The following VAV3 variants were observed in gnomAD, a reference collection of about 807,000 sequenced individuals.
VAV3 encodes guanine nucleotide exchange factor VAV3.
A neutral mutation model predicts 131.2 loss-of-function variants in VAV3; 94 were observed. The ratio of observed to expected loss-of-function variants is 0.72; its 90% CI spans 0.61 to 0.85. The LOEUF (loss-of-function observed/expected upper bound fraction) is 0.85. VAV3 is among the 40% of genes least tolerant of loss of function. The probability of loss-of-function intolerance (pLI) is 0.00; values close to 1 mark genes in which losing one functional copy is unlikely to be tolerated. For missense variants in VAV3, 939 were observed against 1,002.7 expected (o/e 0.94, Z 0.86); for synonymous variants, 349 against 342.0 (o/e 1.02, Z -0.22).
chr1:107,812,438 AT>A lies in VAV3; in HGVS notation c.322-32947del, dbSNP rs146619928. On this transcript the variant is annotated intron_variant, in intron 2 of 26. Coordinates refer to ENST00000370056, the MANE Select transcript of VAV3 (RefSeq NM_006113.5). ...GATAACTGCAGTTTTATTTATTATC[AT>A]TTTTTAAGCTGATTTCCAAAGAATA... Among the ~76,000 whole-genome samples, 20 of 152,182 alleles carry A rather than the reference AT, an allele frequency of 1.3e-4. No homozygotes were observed. The East Asian group carries it at 3.9e-3, about 29-fold the overall frequency.
At chr1:107,609,550 T>TAAAAA (rs5776892) in intron 22 of VAV3, 10 of 152,360 alleles carry the variant, frequency 6.6e-5, no homozygotes, top group South Asian at 2.1e-4. Flanking sequence ...CTATAAAAAA[T>TAAAAA]AAAAAAAAAA....
At chr1:107,609,066 A>T (rs1012603354) in intron 22 of VAV3, among the ~76,000 whole-genome samples, 8 of 152,032 alleles carry the variant, frequency 5.3e-5, no homozygotes, top group African/African-American at 1.4e-4. Flanking sequence ...CACTAGTTGC[A>T]TGCTCTGTTT....
chr1:107,863,246 A>T (rs1161202962), intron 2 of VAV3, among the ~76,000 whole-genome samples: 2 of 152,052 alleles, frequency 1.3e-5, no homozygotes, highest in East Asian at 3.9e-4. Flanking sequence ...ATTCTTAAAC[A>T]TCCCAAATCT....
At chr1:107,653,495 T>G (rs1656321946) in intron 19 of VAV3, among the ~76,000 whole-genome samples, 1 of 152,052 alleles carries the variant, frequency 6.6e-6, no homozygotes, top group Admixed American at 6.6e-5. Context: ...ACTTTCAAAC[T>G]CTGAGGATCC....
chr1:107,683,083 T>C (rs1043372022), intron 19 of VAV3, among the ~76,000 whole-genome samples: 2 of 152,220 alleles, frequency 1.3e-5, no homozygotes, highest in African/African-American at 4.8e-5. Flanking sequence ...AAATTTTCTC[T>C]GATGGAGGGT....
chr1:107,725,728 C>T (rs1206462481), intron 15 of VAV3, among the ~76,000 whole-genome samples: 1 of 152,006 alleles, frequency 6.6e-6, no homozygotes, highest in Non-Finnish European at 1.5e-5. Flanking sequence ...GGCCAGGCTA[C>T]TCTCAAACTC....
chr1:107,880,117 T>C (rs1247108135), intron 1 of VAV3, among the ~76,000 whole-genome samples: 1 of 152,170 alleles, frequency 6.6e-6, no homozygotes, highest in Non-Finnish European at 1.5e-5. Flanking sequence ...GAGTCCACGG[T>C]TGCACAATAG....
At chr1:107,666,172 C>A (rs956932414) in intron 19 of VAV3, among the ~76,000 whole-genome samples, 2 of 152,080 alleles carry the variant, frequency 1.3e-5, no homozygotes, top group Non-Finnish European at 2.9e-5. Flanking sequence ...AAGATGTGAA[C>A]AGGTATTTGA....
chr1:107,576,354 G>A (rs1258790460), intron 25 of VAV3: 2 of 1,454,694 alleles, frequency 1.4e-6, no homozygotes, highest in Admixed American at 2.8e-5. Flanking sequence ...GCAAGCAGAA[G>A]CAAGTTGAAG....
intron 2 of VAV3, among the ~76,000 whole-genome samples, chr1:107,833,921 A>G (rs1319043260): frequency 6.6e-6 from 1 of 152,216 alleles, no homozygotes; most frequent in Non-Finnish European, 1.5e-5. Flanking sequence ...CTCGCATGCA[A>G]TTTTGTTCAC....
chr1:107,851,222 A>T (rs1047792290), intron 2 of VAV3, among the ~76,000 whole-genome samples: 2 of 151,336 alleles, frequency 1.3e-5, no homozygotes, highest in Non-Finnish European at 2.9e-5. Context: ...AGCTAGAGGA[A>T]GGGGACTCAT....
chr1:107,889,132 A>AGAGTGT (rs1553226404), intron 1 of VAV3, among the ~76,000 whole-genome samples: 23 of 142,038 alleles, frequency 1.6e-4, no homozygotes, highest in African/African-American at 4.8e-4. Flanking sequence ...TCCTGTGTAG[A>AGAGTGT]GTGTGTGTGT....
intron 1 of VAV3, among the ~76,000 whole-genome samples, chr1:107,909,346 A>T (rs977068275): frequency 6.8e-6 from 1 of 147,552 alleles, no homozygotes; most frequent in Non-Finnish European, 1.5e-5. Flanking sequence ...TAAGTAAAAA[A>T]ATGTTATATG....
chr1:107,831,780 T>A (rs530842508), intron 2 of VAV3, among the ~76,000 whole-genome samples: 3 of 152,244 alleles, frequency 2.0e-5, no homozygotes, highest in Admixed American at 2.0e-4. Flanking sequence ...AGACTCAATA[T>A]ACACTTAATA....
In VAV3 at chr1:107,648,635, G is replaced by T. The variant is rs185306258; in HGVS notation, c.1778-5880C>A. On this transcript the variant is annotated intron_variant, in intron 19 of 26. Transcript: ENST00000370056. ...ATCATCTTCTTTAAAGATAGAAAAA[G>T]AACACAATTACACAATTTTACAGAG... 1.2e-3 allele frequency among the ~76,000 whole-genome samples: 186 copies of T among 152,062 alleles called. 1 individual carries two copies. Among genetic ancestry groups the T allele is most frequent in the Admixed American group, 3.7e-3 (57 of 15,240 alleles).
chr1:107,909,937 G>A (rs1370358201), intron 1 of VAV3, among the ~76,000 whole-genome samples: 3 of 152,176 alleles, frequency 2.0e-5, no homozygotes, highest in African/African-American at 7.2e-5. Flanking sequence ...TTTGAACAAT[G>A]AAATTAAGAA....
intron 24 of VAV3, among the ~76,000 whole-genome samples, chr1:107,597,050 C>T (rs1197273992): frequency 6.6e-6 from 1 of 152,094 alleles, no homozygotes. Context: ...AAATCTGAAT[C>T]TCTCTACTGT....
chr1:107,941,975 C>G (rs1342831078), intron 1 of VAV3, among the ~76,000 whole-genome samples: 1 of 152,158 alleles, frequency 6.6e-6, no homozygotes, highest in East Asian at 1.9e-4. Context: ...TCCAGCCAGC[C>G]CTAGACTGTC....
intron 15 of VAV3, among the ~76,000 whole-genome samples, chr1:107,716,394 G>A (rs182534515): frequency 8.2e-4 from 125 of 152,302 alleles, no homozygotes; most frequent in African/African-American, 2.9e-3. Context: ...TTGGGAGGCC[G>A]AGGCAGGTGG....
Sources: allele counts gnomAD v4.1 joint callset (sites outside exome capture counted in the v4.1 genomes callset), GRCh38; gene constraint gnomAD v4.1.1; transcripts MANE v1.5; gene names NCBI Gene and HGNC (gene_info 2026-07-23, HGNC 2026-07-21).